Variants in PCED1B observed in about 807,000 individuals in gnomAD.
PCED1B encodes PC-esterase domain containing 1B.
For synonymous variants in PCED1B, 251 were observed against 246.1 expected (o/e 1.02, Z -0.19); for missense variants, 573 against 573.9 (o/e 1.00, Z 0.02).
chr12:47,140,631 A>G, intron 2 of PCED1B, among the ~76,000 whole-genome samples: 1 of 152,232 alleles, frequency 6.6e-6, no homozygotes, highest in East Asian at 1.9e-4. Flanking sequence ...GATTTGCTTC[A>G]CTATTGAGAA....
intron 2 of PCED1B, among the ~76,000 whole-genome samples, chr12:47,194,314 A>G (rs1035490362): frequency 6.6e-6 from 1 of 152,180 alleles, no homozygotes; most frequent in East Asian, 1.9e-4. Flanking sequence ...AGCTGGGATT[A>G]CAGGCGCGCA....
intron 1 of PCED1B, among the ~76,000 whole-genome samples, chr12:47,084,383 G>C (rs1937883304): frequency 6.6e-6 from 1 of 152,122 alleles, no homozygotes; most frequent in Non-Finnish European, 1.5e-5. Flanking sequence ...ACATCCTAAG[G>C]CAAACTGAAC....
chr12:47,215,945 T>C (rs541294557), intron 2 of PCED1B, among the ~76,000 whole-genome samples: 26 of 152,038 alleles, frequency 1.7e-4, no homozygotes, highest in Middle Eastern at 3.4e-3. Context: ...TCACAGCTAC[T>C]CGGAGCCTGA....
At chr12:47,154,346 G>A (rs988007449) in intron 2 of PCED1B, among the ~76,000 whole-genome samples, 1 of 152,122 alleles carries the variant, frequency 6.6e-6, no homozygotes, top group Non-Finnish European at 1.5e-5. Flanking sequence ...ATCATGCTTA[G>A]CACCTGAGGG....
chr12:47,133,488 G>C (rs976895421), intron 2 of PCED1B, among the ~76,000 whole-genome samples: 2 of 152,108 alleles, frequency 1.3e-5, no homozygotes, highest in South Asian at 2.1e-4. Context: ...AGGTAGGGAT[G>C]GGGGGTACAT....
In PCED1B at chr12:47,121,770, C is replaced by T. The variant is rs527626148; in HGVS notation, c.-526+17575C>T. ...TCTGAGCCGGGTGTGGTGGAGCTCACGCCTGTAATCCCAACACTTTGGAAG... is the reference window on the plus strand; with the variant it reads ...TCTGAGCCGGGTGTGGTGGAGCTCATGCCTGTAATCCCAACACTTTGGAAG... On this transcript the variant is annotated intron_variant, in intron 2 of 3. Transcript: ENST00000546455. Among the ~76,000 whole-genome samples the T allele has an allele frequency of 9.2e-4, 140 of 152,062 alleles. 1 individual carries two copies. Among genetic ancestry groups the T allele is most frequent in the Non-Finnish European group, 1.4e-3 (98 of 68,004 alleles).
At chr12:47,158,271 T>C (rs1188338976) in intron 2 of PCED1B, among the ~76,000 whole-genome samples, 1 of 152,244 alleles carries the variant, frequency 6.6e-6, no homozygotes, top group African/African-American at 2.4e-5. Context: ...GCACAAGGGT[T>C]CCAATTTCTC....
At chr12:47,207,811 C>T (rs1316768968) in intron 2 of PCED1B, among the ~76,000 whole-genome samples, 1 of 152,140 alleles carries the variant, frequency 6.6e-6, no homozygotes, top group Admixed American at 6.5e-5. Context: ...TCAGATAAAA[C>T]ATTTTAGGGC....
At chr12:47,202,306 T>G (rs1942786486) in intron 2 of PCED1B, among the ~76,000 whole-genome samples, 1 of 152,196 alleles carries the variant, frequency 6.6e-6, no homozygotes, top group South Asian at 2.1e-4. Context: ...TGTCAAAATT[T>G]GCCCATCAAA....
rs563327983 is a variant in PCED1B, at chr12:47,203,030, C to A, written c.-525-13192C>A. On this transcript the variant is annotated intron_variant, in intron 2 of 3. Transcript: ENST00000546455. ...TGTTGCCCAGGCTGGAGTGAAGTGG[C>A]ATGATCTCAGCTCACTGCAACCTCT... 6.7e-4 allele frequency among the ~76,000 whole-genome samples: 101 copies of A among 149,846 alleles called. 4 individuals are homozygous for A. Among genetic ancestry groups the A allele is most frequent in the East Asian group, 5.7e-3 (29 of 5,108 alleles).
chr12:47,200,335 A>G (rs1942726855), intron 2 of PCED1B, among the ~76,000 whole-genome samples: 1 of 152,248 alleles, frequency 6.6e-6, no homozygotes, highest in African/African-American at 2.4e-5. Context: ...AAATAAGCAC[A>G]TGGAAAAATG....
chr12:47,223,226 G>A (rs1943538336), intron 3 of PCED1B, among the ~76,000 whole-genome samples: 1 of 152,134 alleles, frequency 6.6e-6, no homozygotes, highest in South Asian at 2.1e-4. Context: ...GTGGACTTGA[G>A]GGCTGGGTTT....
intron 1 of PCED1B, among the ~76,000 whole-genome samples, chr12:47,090,462 TC>T (rs1288032370): frequency 6.6e-6 from 1 of 152,112 alleles, no homozygotes; most frequent in Non-Finnish European, 1.5e-5. Flanking sequence ...AATGCAAAAT[TC>T]CAACAAAGAC....
At chr12:47,219,378 G>A (rs1476837933) in intron 3 of PCED1B, among the ~76,000 whole-genome samples, 1 of 152,186 alleles carries the variant, frequency 6.6e-6, no homozygotes, top group Non-Finnish European at 1.5e-5. Context: ...ATCCAGGCCT[G>A]CTGACTCAAC....
In PCED1B at chr12:47,220,085, A is replaced by AG. The variant is rs1235754736; in HGVS notation, c.-58+3396_-58+3397insG. Among the ~76,000 whole-genome samples the AG allele has an allele frequency of 4.2e-3, 574 of 137,986 alleles. 1 individual carries two copies. Among genetic ancestry groups the AG allele is most frequent in the African/African-American group, 0.012 (395 of 34,074 alleles). The allele number at this position is 137,986 out of a possible 152,430, so 90.5% of individuals were successfully genotyped here. On this transcript the variant is annotated intron_variant, in intron 3 of 3. Coordinates refer to ENST00000546455, the MANE Select transcript of PCED1B (RefSeq NM_138371.3). ...CACTGCCTCAAAAAAAAAAAAAAAAAAAAAAGAAGAAGAAGAAGAAGATAC... is the reference window on the plus strand; with the variant it reads ...CACTGCCTCAAAAAAAAAAAAAAAAAGAAAAAGAAGAAGAAGAAGAAGATAC...
At chr12:47,142,545 G>T (rs1484578846) in intron 2 of PCED1B, among the ~76,000 whole-genome samples, 1 of 151,816 alleles carries the variant, frequency 6.6e-6, no homozygotes, top group Non-Finnish European at 1.5e-5. Context: ...TCAATGAGAT[G>T]CAAGAGAACA....
chr12:47,150,956 T>C (rs975212846), intron 2 of PCED1B, among the ~76,000 whole-genome samples: 1 of 152,032 alleles, frequency 6.6e-6, no homozygotes, highest in Non-Finnish European at 1.5e-5. Context: ...ATATAAATGG[T>C]AACAAGCGAA....
intron 2 of PCED1B, chr12:47,135,490 C>T (rs61927692): frequency 0.019 from 8,706 of 454,630 alleles, 138 homozygotes; most frequent in Non-Finnish European, 0.028. Flanking sequence ...CCTGTTCTAT[C>T]GAGAGACTTG....
At chr12:47,156,020 A>T (rs1291020303) in intron 2 of PCED1B, among the ~76,000 whole-genome samples, 1 of 152,206 alleles carries the variant, frequency 6.6e-6, no homozygotes, top group Non-Finnish European at 1.5e-5. Context: ...GTGCTGCATC[A>T]TTGTTTATCT....
Sources: allele counts gnomAD v4.1 joint callset (sites outside exome capture counted in the v4.1 genomes callset), GRCh38; gene constraint gnomAD v4.1.1; transcripts MANE v1.5; gene names NCBI Gene and HGNC (gene_info 2026-07-23, HGNC 2026-07-21).